The following TMEM59 variants were observed in gnomAD, a reference collection of about 807,000 sequenced individuals.
The protein encoded by TMEM59 is dendritic cell factor 1.
A neutral mutation model predicts 42.2 loss-of-function variants in TMEM59; 44 were observed. That is an observed-to-expected ratio of 1.04 (90% CI 0.82 to 1.34). The LOEUF is 1.34. Ranked by LOEUF, TMEM59 falls within the 40% of genes most tolerant of loss-of-function variation. The pLI is 0.00. For missense variants in TMEM59, 359 were observed against 382.8 expected (o/e 0.94, Z 0.52); for synonymous variants, 148 against 145.8 (o/e 1.02, Z -0.11).
At position 54,027,959 on chromosome 1, in the gene TMEM59, TAG is replaced by T. The variant is rs1221487462; in HGVS notation, c.*4189_*4190del. ...TTTACCACTGTACTCACCCCCACCC[TAG>T]ACTCTAGTGTAGAACAAGTAGTCAA... is the stretch of plus-strand genomic sequence containing the variant. On this transcript the variant is annotated 3_prime_UTR_variant, in exon 8 of 8. Coordinates refer to ENST00000234831, the MANE Select transcript of TMEM59 (RefSeq NM_004872.5). The T allele has an allele frequency of 2.0e-5, 3 of 152,318 alleles. No homozygotes were observed. The highest frequency in any genetic ancestry group is 4.4e-5 in the Non-Finnish European group (3 of 68,048). 9.4% of individuals were successfully genotyped at this position (152,318 alleles called of 1,614,324 possible).
chr1:54,041,320 A>G (rs1657129789), intron 5 of TMEM59, among the ~76,000 whole-genome samples: 1 of 152,226 alleles, frequency 6.6e-6, no homozygotes, highest in African/African-American at 2.4e-5. Context: ...GGGGACTCTC[A>G]CTTTTGGCAT....
chr1:54,037,555 A>G (rs1656993366), intron 6 of TMEM59, among the ~76,000 whole-genome samples: 1 of 152,224 alleles, frequency 6.6e-6, no homozygotes. Flanking sequence ...TTAAAAGTCT[A>G]ACTCTGACAA....
chr1:54,043,509 G>A lies in TMEM59; in HGVS notation c.407C>T (p.Pro136Leu). 6.6e-7 allele frequency: 1 copy of A among 1,505,504 alleles called. No homozygotes were observed. Among genetic ancestry groups the A allele is most frequent in the Non-Finnish European group, 8.9e-7 (1 of 1,128,276 alleles). 93.3% of individuals were successfully genotyped at this position (1,505,504 alleles called of 1,614,324 possible). A position where few individuals can be genotyped will look rare whatever the true frequency, so the allele number is the denominator to read the frequency against. Residue 136 changes from proline (P) to leucine (L), a missense_variant, in exon 4 of 8, where the codon CCA (proline) becomes CTA (leucine). Pro to Leu is a moderately conservative substitution (Grantham distance 98, BLOSUM62 -3). Transcript: ENST00000234831. ...LRQEQLMSLM[P>L]KMHLLFPLTL... ...TAGAGGAAAGAGTAGGTGCATTTTTGGCATCAGGGACATAAGCTAAAAATA... is the reference window on the plus strand; with the variant it reads ...TAGAGGAAAGAGTAGGTGCATTTTTAGCATCAGGGACATAAGCTAAAAATA...
intron 6 of TMEM59, among the ~76,000 whole-genome samples, chr1:54,040,546 C>T (rs1657104816): frequency 6.6e-6 from 1 of 152,134 alleles, no homozygotes; most frequent in Admixed American, 6.5e-5. Context: ...TGCTCTTGTA[C>T]TGTGAAAAAA....
chr1:54,027,804 T>A lies in TMEM59; in HGVS notation c.*4346A>T, dbSNP rs1213431458. 6.6e-6 allele frequency: 1 copy of A among 151,706 alleles called. No homozygotes were observed. The highest frequency in any genetic ancestry group is 1.5e-5 in the Non-Finnish European group (1 of 67,982). 9.4% of individuals were successfully genotyped at this position (151,706 alleles called of 1,614,324 possible). The stretch of plus-strand genomic sequence containing the variant: ...AAAAAGTGAAATATATGAAGCTGAC[T>A]TCAACAGTAACAGATTTCAGAAAAG... On this transcript the variant is annotated 3_prime_UTR_variant, in exon 8 of 8. Coordinates refer to ENST00000234831, the MANE Select transcript of TMEM59 (RefSeq NM_004872.5).
chr1:54,048,704 C>T, intron 1 of TMEM59: 1 of 431,252 alleles, frequency 2.3e-6, no homozygotes, highest in South Asian at 1.8e-5. Flanking sequence ...ACAGCATGTG[C>T]ATATACCAGT....
chr1:54,049,249 T>C (rs1042774534), intron 1 of TMEM59, among the ~76,000 whole-genome samples: 11 of 152,242 alleles, frequency 7.2e-5, no homozygotes, highest in African/African-American at 2.2e-4. Flanking sequence ...ATAAGGACAA[T>C]ACTCTTACAT....
rs1333635575 is a variant in TMEM59, at chr1:54,031,868, C to T, written c.*282G>A. On this transcript the variant is annotated 3_prime_UTR_variant, in exon 8 of 8. Coordinates refer to ENST00000234831, the MANE Select transcript of TMEM59 (RefSeq NM_004872.5). ...GGAGGTGAGAAGGAGCAATGATCAG[C>T]TCATAGCTAAGAAAAGGGAAAAAAA... 1 of 229,960 alleles carries T rather than the reference C, an allele frequency of 4.3e-6. No individual in the cohort carries two copies. The highest frequency in any genetic ancestry group is 8.9e-5 in the East Asian group (1 of 11,260). 14.2% of individuals were successfully genotyped at this position (229,960 alleles called of 1,614,324 possible).
rs569954460 is a variant in TMEM59, at chr1:54,043,360, G to C, written c.543+13C>G. 7 of 1,524,482 alleles carry C rather than the reference G, an allele frequency of 4.6e-6. No individual in the cohort carries two copies. In the East Asian group the frequency reaches 1.4e-4, roughly 31 times the overall value. 94.4% of individuals were successfully genotyped at this position (1,524,482 alleles called of 1,614,324 possible). On this transcript the variant is annotated intron_variant, in intron 4 of 7. Coordinates refer to ENST00000234831, the MANE Select transcript of TMEM59 (RefSeq NM_004872.5). ...GTTAGTATTTAGATGAATCCATGAA[G>C]CTCAGTTGTCACCTGGAATATAACT...
intron 6 of TMEM59, among the ~76,000 whole-genome samples, chr1:54,036,993 T>C (rs1318222936): frequency 6.6e-6 from 1 of 152,212 alleles, no homozygotes; most frequent in Non-Finnish European, 1.5e-5. Flanking sequence ...CTTGACTTTC[T>C]GCTAAATATA....
rs752684326 is a variant in TMEM59, at chr1:54,032,201, T to C, written c.921A>G (p.Glu307=). 5.6e-5 allele frequency: 90 copies of C among 1,613,154 alleles called. No homozygotes were observed. Among genetic ancestry groups the C allele is most frequent in the Non-Finnish European group, 7.5e-5 (88 of 1,179,616 alleles). ...VVVRSKTEDH[E]EAGPLPTKVN... ...CTTTTGTAGGTAGAGGCCCTGCTTC[T>C]TCATGATCTTCAGTTTTAGATCTAA... The change falls in exon 8 of 8, where the codon GAA becomes GAG. Residue 307 remains glutamate (E), a synonymous_variant. Transcript: ENST00000234831.
intron 1 of TMEM59, among the ~76,000 whole-genome samples, chr1:54,051,705 A>T (rs1373007404): frequency 6.6e-6 from 1 of 152,238 alleles, no homozygotes; most frequent in African/African-American, 2.4e-5. Context: ...CTTAATGATG[A>T]GAAGTTTACA....
intron 1 of TMEM59, among the ~76,000 whole-genome samples, chr1:54,051,846 T>A (rs1657551510): frequency 6.6e-6 from 1 of 152,060 alleles, no homozygotes; most frequent in South Asian, 2.1e-4. Flanking sequence ...TCTCCCACAC[T>A]TTTTTTTGAA....
At chr1:54,034,716 G>C (rs1656888525) in intron 7 of TMEM59, 1 of 152,468 alleles carries the variant, frequency 6.6e-6, no homozygotes, top group African/African-American at 2.4e-5. Context: ...GGAGATTGCA[G>C]TGAGCTGAGA....
chr1:54,047,635 C>T (rs1279236229), intron 1 of TMEM59: 3 of 383,088 alleles, frequency 7.8e-6, no homozygotes, highest in Non-Finnish European at 1.4e-5. Context: ...TCTTTGGTTA[C>T]AATCTGTGGG....
chr1:54,053,382 A>G (rs113648202), upstream of TMEM59: 1,075 of 641,082 alleles, frequency 1.7e-3, 3 homozygotes, highest in Non-Finnish European at 2.4e-3. Context: ...TTCTTCTCCT[A>G]GGCTGGCGTG....
chr1:54,053,485 G>A (rs11206279), upstream of TMEM59: 21,917 of 383,214 alleles, frequency 0.057, 1,898 homozygotes, highest in African/African-American at 0.27. Context: ...GTAGTTCTCC[G>A]TAGGCGGGAG....
chr1:54,044,049 T>A (rs1043218883), intron 3 of TMEM59: 12 of 152,072 alleles, frequency 7.9e-5, no homozygotes, highest in African/African-American at 2.9e-4. Context: ...AAGCTACTGA[T>A]AAGATTTTAA....
intron 7 of TMEM59, chr1:54,033,224 G>C (rs1656825049): frequency 1.3e-5 from 2 of 151,322 alleles, no homozygotes; most frequent in African/African-American, 4.9e-5. Context: ...GCCTCCCAAA[G>C]TGTTGGGATA....
Sources: allele counts gnomAD v4.1 joint callset (sites outside exome capture counted in the v4.1 genomes callset), GRCh38; gene constraint gnomAD v4.1.1; transcripts MANE v1.5; gene names NCBI Gene and HGNC (gene_info 2026-07-23, HGNC 2026-07-21).